The following ARHGAP6 variants were observed in gnomAD, a reference collection of about 807,000 sequenced individuals.
ARHGAP6 encodes rho GTPase-activating protein 6.
Under a neutral mutation model 55.7 loss-of-function variants are expected in ARHGAP6, and 16 were observed. The observed-to-expected ratio is 0.29, with a 90% CI of 0.19 to 0.44. ARHGAP6 has a LOEUF of 0.44. ARHGAP6 is among the 20% of genes least tolerant of loss of function. The probability of loss-of-function intolerance (pLI) is 1.00; values close to 1 mark genes in which losing one functional copy is unlikely to be tolerated. For synonymous variants in ARHGAP6, 382 were observed against 360.9 expected, an observed-to-expected ratio of 1.06 and a Z score of -0.66; for missense variants, 698 against 808.9, an observed-to-expected ratio of 0.86 and a Z score of 1.66.
intron 8 of ARHGAP6, among the ~76,000 whole-genome samples, chrX:11,171,575 G>A (rs1477643275): frequency 8.9e-6 from 1 of 112,209 alleles, no homozygotes; most frequent in African/African-American, 3.2e-5. Flanking sequence ...GTGAGCTCGG[G>A]TGAGCACTTT....
At chrX:11,553,111 A>G (rs999357842) in intron 1 of ARHGAP6, among the ~76,000 whole-genome samples, 2 of 112,011 alleles carry the variant, frequency 1.8e-5, no homozygotes, top group African/African-American at 6.5e-5. Flanking sequence ...TAAAGTTAGG[A>G]CAGTGCTACT....
chrX:11,332,592 A>G (rs1407250155), intron 1 of ARHGAP6, among the ~76,000 whole-genome samples: 1 of 111,756 alleles, frequency 8.9e-6, no homozygotes, highest in Non-Finnish European at 1.9e-5. Flanking sequence ...TGCATTTTAG[A>G]CTAAACTTTT....
intron 1 of ARHGAP6, among the ~76,000 whole-genome samples, chrX:11,293,993 G>A (rs1282105875): frequency 1.8e-5 from 2 of 112,457 alleles, no homozygotes; most frequent in African/African-American, 6.5e-5. Context: ...ACAAATCAAT[G>A]TGCACATTTT....
intron 1 of ARHGAP6, among the ~76,000 whole-genome samples, chrX:11,307,517 T>C (rs1420239295): frequency 8.9e-6 from 1 of 112,236 alleles, no homozygotes; most frequent in African/African-American, 3.2e-5. Flanking sequence ...CACAGCTGCA[T>C]GCAATAACAA....
At chrX:11,188,330 T>G (rs2046411948) in intron 4 of ARHGAP6, among the ~76,000 whole-genome samples, 1 of 112,321 alleles carries the variant, frequency 8.9e-6, no homozygotes, top group African/African-American at 3.2e-5. Flanking sequence ...CGCCAATTCA[T>G]TTGGCCAGGC....
At chrX:11,298,882 C>T (rs773295163) in intron 1 of ARHGAP6, 4 of 1,209,072 alleles carry the variant, frequency 3.3e-6, no homozygotes, top group Non-Finnish European at 4.5e-6. Flanking sequence ...CCTCTGCCTC[C>T]GATGTTCCCC....
At chrX:11,460,240 G>A (rs915051448) in intron 1 of ARHGAP6, among the ~76,000 whole-genome samples, 2 of 111,738 alleles carry the variant, frequency 1.8e-5, no homozygotes, top group Non-Finnish European at 3.8e-5. Flanking sequence ...ATGGTCACAT[G>A]GCAAGGAACT....
chrX:11,638,117 A>C, intron 1 of ARHGAP6, among the ~76,000 whole-genome samples: 1 of 111,479 alleles, frequency 9.0e-6, no homozygotes, highest in Non-Finnish European at 1.9e-5. Context: ...AGCAAAATGT[A>C]AATAGGTATC....
chrX:11,411,430 G>A (rs1480692201), intron 1 of ARHGAP6, among the ~76,000 whole-genome samples: 2 of 106,830 alleles, frequency 1.9e-5, no homozygotes, highest in African/African-American at 6.8e-5. Context: ...GTACCAAATT[G>A]TGTAACCATA....
chrX:11,555,373 T>C (rs1268550038), intron 1 of ARHGAP6, among the ~76,000 whole-genome samples: 2 of 110,442 alleles, frequency 1.8e-5, no homozygotes, highest in Non-Finnish European at 3.8e-5. Flanking sequence ...TAAAGGGACA[T>C]GGGAGGGAGA....
chrX:11,505,434 C>T (rs1407860266), intron 1 of ARHGAP6, among the ~76,000 whole-genome samples: 1 of 111,344 alleles, frequency 9.0e-6, no homozygotes, highest in South Asian at 3.8e-4. Flanking sequence ...AAAAGGAATG[C>T]TTATACACTA....
intron 1 of ARHGAP6, among the ~76,000 whole-genome samples, chrX:11,652,606 G>A (rs2052596612): frequency 8.9e-6 from 1 of 112,132 alleles, no homozygotes; most frequent in East Asian, 2.8e-4. Context: ...AGGCCAACCC[G>A]TACTTCCCTA....
chrX:11,451,117 A>G lies in ARHGAP6; in HGVS notation c.589-196410T>C, dbSNP rs576364928. Among the ~76,000 whole-genome samples, 9 of 111,815 alleles carry G rather than the reference A, an allele frequency of 8.0e-5. No homozygotes were observed. In the South Asian group the frequency reaches 2.3e-3, roughly 28 times the overall value. ...GAAGTGTTCATAAAGCCAATGTCAC[A>G]TGGATCCTCAGGGAAGAGTTATCAC... On this transcript the variant is annotated intron_variant, in intron 1 of 12. Coordinates refer to ENST00000337414, the MANE Select transcript of ARHGAP6 (RefSeq NM_013427.3).
intron 9 of ARHGAP6, among the ~76,000 whole-genome samples, chrX:11,160,314 G>A (rs1375124961): frequency 2.8e-5 from 3 of 108,481 alleles, no homozygotes; most frequent in Non-Finnish European, 3.8e-5. Context: ...AAAATTAGTC[G>A]GGCGTGGTGG....
chrX:11,293,862 C>T (rs1393267905), intron 1 of ARHGAP6, among the ~76,000 whole-genome samples: 3 of 111,899 alleles, frequency 2.7e-5, no homozygotes, highest in Middle Eastern at 4.6e-3. Context: ...AAACAAAAAA[C>T]AAATTTAGGA....
chrX:11,341,466 T>G (rs1315451516), intron 1 of ARHGAP6, among the ~76,000 whole-genome samples: 1 of 112,269 alleles, frequency 8.9e-6, no homozygotes, highest in Non-Finnish European at 1.9e-5. Context: ...AAATAATATT[T>G]AAACTAATCA....
chrX:11,540,025 G>A (rs1340047623), intron 1 of ARHGAP6, among the ~76,000 whole-genome samples: 1 of 110,733 alleles, frequency 9.0e-6, no homozygotes, highest in African/African-American at 3.3e-5. Context: ...GGAGGCCGAG[G>A]TAGGCGGATC....
Position 11,139,448 on chromosome X carries a change from C to A in ARHGAP6, c.2340G>T (p.Trp780Cys), listed in dbSNP as rs1481932090. 8.4e-7 allele frequency: 1 copy of A among 1,186,045 alleles called. No homozygotes were observed. The highest frequency in any genetic ancestry group is 2.5e-5 in the Admixed American group (1 of 39,914). Reference sequence around the variant, plus strand: ...CTGCGGGGCTCCCCTGCCACCGAGGCCAATTTGGGGACAGGTTCCCTTGAG... The same window carrying A: ...CTGCGGGGCTCCCCTGCCACCGAGGACAATTTGGGGACAGGTTCCCTTGAG... Reference protein sequence around the residue: ...SLSQGNLSPNWPRWQGSPAEL... With the variant: ...SLSQGNLSPNCPRWQGSPAEL... The change falls in exon 13 of 13, where the codon TGG becomes TGT. Residue 780 changes from tryptophan to cysteine, a missense_variant. By Grantham distance (215) the Trp-to-Cys change is radical. Around this residue, in one of 3 missense-constraint regions of ARHGAP6, gnomAD observed 212 missense variants for 208.7 expected, o/e 1.02. Transcript: ENST00000337414.
chrX:11,413,020 G>A (rs2049705485), intron 1 of ARHGAP6, among the ~76,000 whole-genome samples: 3 of 112,049 alleles, frequency 2.7e-5, no homozygotes, highest in African/African-American at 9.7e-5. Context: ...AGGATGCTGT[G>A]GCTCTCACAA....
Sources: allele counts gnomAD v4.1 joint callset (sites outside exome capture counted in the v4.1 genomes callset), GRCh38; gene constraint gnomAD v4.1.1; regional missense constraint gnomAD v4.1.1; transcripts MANE v1.5; gene names NCBI Gene and HGNC (gene_info 2026-07-23, HGNC 2026-07-21).